The following AR variants were observed in gnomAD, a reference collection of about 807,000 sequenced individuals.
AR encodes the protein dihydrotestosterone receptor.
In AR, 8 loss-of-function variants were observed where a neutral mutation model predicts 53.9. The ratio of observed to expected loss-of-function variants is 0.15; its 90% CI spans 0.09 to 0.27. The LOEUF (loss-of-function observed/expected upper bound fraction) is 0.27. AR is among the 10% of genes least tolerant of loss of function. AR has a pLI of 1.00. For synonymous variants in AR, 359 were observed against 316.4 expected, an observed-to-expected ratio of 1.13 and a Z score of -1.43; for missense variants, 639 against 742.5, an observed-to-expected ratio of 0.86 and a Z score of 1.62.
At chrX:67,558,503 A>T (rs977013839) in intron 1 of AR, among the ~76,000 whole-genome samples, 4 of 111,372 alleles carry the variant, frequency 3.6e-5, no homozygotes, top group Admixed American at 2.8e-4. Flanking sequence ...ACCTTTACCA[A>T]CCCAAATGAC....
chrX:67,606,233 A>G (rs1428145626), intron 1 of AR, among the ~76,000 whole-genome samples: 1 of 111,352 alleles, frequency 9.0e-6, no homozygotes, highest in East Asian at 2.8e-4. Flanking sequence ...GGAATGGCAC[A>G]TACTTCACTG....
At chrX:67,629,039 C>G (rs1365987022) in intron 1 of AR, among the ~76,000 whole-genome samples, 1 of 111,559 alleles carries the variant, frequency 9.0e-6, no homozygotes, top group Non-Finnish European at 1.9e-5. Context: ...TTCCGTTTGC[C>G]AGTATTTTAT....
At chrX:67,597,815 C>T (rs920559990) in intron 1 of AR, among the ~76,000 whole-genome samples, 5 of 112,005 alleles carry the variant, frequency 4.5e-5, no homozygotes, top group Admixed American at 9.5e-5. Context: ...AGCTGGAAAA[C>T]GAAAAATAGA....
At chrX:67,645,353 TGAA>T (rs1262191434) in intron 2 of AR, among the ~76,000 whole-genome samples, 1 of 111,051 alleles carries the variant, frequency 9.0e-6, no homozygotes, top group African/African-American at 3.3e-5. Context: ...AAGTTAGAGC[TGAA>T]GGAGGGAGGC....
chrX:67,678,695 C>T (rs1423538008), intron 2 of AR, among the ~76,000 whole-genome samples: 1 of 111,515 alleles, frequency 9.0e-6, no homozygotes, highest in Non-Finnish European at 1.9e-5. Flanking sequence ...ACCCTACAAC[C>T]TCAAGTAGGC....
chrX:67,660,157 G>A (rs1175614044), intron 2 of AR, among the ~76,000 whole-genome samples: 1 of 111,979 alleles, frequency 8.9e-6, no homozygotes, highest in African/African-American at 3.2e-5. Context: ...CTCCCATTCT[G>A]TAGGTTGCCT....
chrX:67,678,516 A>G (rs1312377472), intron 2 of AR, among the ~76,000 whole-genome samples: 1 of 111,818 alleles, frequency 8.9e-6, no homozygotes, highest in Non-Finnish European at 1.9e-5. Context: ...TCGTGTATGT[A>G]CACCACATTT....
At chrX:67,607,419 C>T (rs1352617357) in intron 1 of AR, among the ~76,000 whole-genome samples, 1 of 111,980 alleles carries the variant, frequency 8.9e-6, no homozygotes, top group Non-Finnish European at 1.9e-5. Flanking sequence ...GAATCCATAG[C>T]CATCTTGTTG....
At chrX:67,620,143 C>T (rs1253001150) in intron 1 of AR, among the ~76,000 whole-genome samples, 1 of 111,080 alleles carries the variant, frequency 9.0e-6, no homozygotes, top group Non-Finnish European at 1.9e-5. Context: ...TATCTTCCTT[C>T]TTTTGGGTTT....
At position 67,721,920 on chromosome X, in the gene AR, C is replaced by A. The variant is rs1381286757; in HGVS notation, c.2406C>A (p.Pro802=). Residue 802 remains proline, a synonymous_variant, in exon 6 of 8, where the codon CCC becomes CCA. Coordinates refer to ENST00000374690, the MANE Select transcript of AR (RefSeq NM_000044.6). ...SQEFGWLQIT[P]QEFLCMKALL... ...AGTTTGGATGGCTCCAAATCACCCCCCAGGAATTCCTGTGCATGAAAGCAC... is the reference window on the plus strand; with the variant it reads ...AGTTTGGATGGCTCCAAATCACCCCACAGGAATTCCTGTGCATGAAAGCAC... The A allele has an allele frequency of 4.1e-6, 5 of 1,211,436 alleles. No homozygotes were observed. The Admixed American group carries it at 1.1e-4, about 26-fold the overall frequency.
At chrX:67,593,078 T>G (rs1922910642) in intron 1 of AR, among the ~76,000 whole-genome samples, 1 of 112,330 alleles carries the variant, frequency 8.9e-6, no homozygotes, top group African/African-American at 3.2e-5. Context: ...GGTTTAGGAA[T>G]CAAATTCCCA....
intron 2 of AR, among the ~76,000 whole-genome samples, chrX:67,677,491 T>G (rs1453249695): frequency 8.9e-6 from 1 of 111,887 alleles, no homozygotes; most frequent in Non-Finnish European, 1.9e-5. Flanking sequence ...CCTATAACAT[T>G]TCGTACACTG....
rs940817995 is a variant in AR at position 67,634,816 on chromosome X, A to G, written c.1617-8440A>G. Among the ~76,000 whole-genome samples, 4 of 111,874 alleles carry G rather than the reference A, an allele frequency of 3.6e-5. No homozygotes were observed. The East Asian group carries it at 1.1e-3, about 32-fold the overall frequency. Reference sequence around the variant, plus strand: ...ATTGTGAACTCTGATTTTATCTTAAAAAGTCATGTAGGGATGTCATGTTCC... The same window carrying G: ...ATTGTGAACTCTGATTTTATCTTAAGAAGTCATGTAGGGATGTCATGTTCC... On this transcript the variant is annotated intron_variant, in intron 1 of 7. Coordinates refer to ENST00000374690, the MANE Select transcript of AR (RefSeq NM_000044.6).
intron 2 of AR, among the ~76,000 whole-genome samples, chrX:67,663,940 G>A (rs1388481465): frequency 8.9e-6 from 1 of 112,097 alleles, no homozygotes; most frequent in African/African-American, 3.2e-5. Context: ...CATTTGTCAC[G>A]TAGTTCTCGT....
chrX:67,672,376 C>T (rs1355296013), intron 2 of AR, among the ~76,000 whole-genome samples: 1 of 111,000 alleles, frequency 9.0e-6, no homozygotes, highest in East Asian at 2.9e-4. Flanking sequence ...CTTACTCCTG[C>T]CATTTGGTTG....
chrX:67,621,805 G>A (rs1208658008), intron 1 of AR, among the ~76,000 whole-genome samples: 1 of 111,705 alleles, frequency 9.0e-6, no homozygotes, highest in African/African-American at 3.3e-5. Context: ...AGGCCCCCTA[G>A]TGAAGTTCAA....
intron 3 of AR, among the ~76,000 whole-genome samples, chrX:67,707,674 A>G (rs2076074874): frequency 9.0e-6 from 1 of 111,695 alleles, no homozygotes; most frequent in South Asian, 3.7e-4. Flanking sequence ...TGTGAATTTG[A>G]TCCTGTCATT....
intron 2 of AR, among the ~76,000 whole-genome samples, chrX:67,673,468 G>A (rs1016195324): frequency 1.2e-5 from 1 of 84,425 alleles, no homozygotes; most frequent in African/African-American, 4.9e-5. Context: ...TTCATTGTTT[G>A]CTATTTTTTT....
intron 2 of AR, among the ~76,000 whole-genome samples, chrX:67,651,218 T>TC (rs397949136): frequency 9.4e-6 from 1 of 106,106 alleles, no homozygotes; most frequent in East Asian, 3.0e-4. Context: ...TTTTTTTTTT[T>TC]CTGTATTTTT....
Sources: gnomAD v4.1 joint callset for allele counts (sites outside exome capture counted in the v4.1 genomes callset) on GRCh38, gnomAD v4.1.1 for gene constraint, MANE v1.5 for transcripts, NCBI Gene and HGNC (gene_info 2026-07-23, HGNC 2026-07-21) for gene names.